Variants in PDE4B observed in about 807,000 individuals in gnomAD.
PDE4B encodes 3',5'-cyclic-AMP phosphodiesterase 4B.
A neutral mutation model predicts 82.2 loss-of-function variants in PDE4B; 20 were observed. The ratio of observed to expected loss-of-function variants is 0.24; its 90% CI spans 0.17 to 0.35. PDE4B has a LOEUF of 0.35. Ranked by LOEUF, PDE4B falls within the 10% of genes least tolerant of loss-of-function variation. The probability of loss-of-function intolerance (pLI) is 1.00; values close to 1 mark genes in which losing one functional copy is unlikely to be tolerated. For synonymous variants in PDE4B, 320 were observed against 318.9 expected, an observed-to-expected ratio of 1.00 and a Z score of -0.04; for missense variants, 655 against 907.2, an observed-to-expected ratio of 0.72 and a Z score of 3.57.
chr1:65,889,867 TG>T (rs1646834081), intron 1 of PDE4B, among the ~76,000 whole-genome samples: 1 of 152,152 alleles, frequency 6.6e-6, no homozygotes, highest in Admixed American at 6.6e-5. Flanking sequence ...ACATGACTAT[TG>T]GTATAAACAG....
chr1:66,047,576 C>A (rs1282228324), intron 3 of PDE4B, among the ~76,000 whole-genome samples: 1 of 151,818 alleles, frequency 6.6e-6, no homozygotes, highest in South Asian at 2.1e-4. Flanking sequence ...ATTTGTTATG[C>A]CCAGTAAGTG....
chr1:66,247,508 C>A lies in PDE4B; in HGVS notation c.330C>A (p.Pro110=), dbSNP rs761930779. Residue 110 remains proline, a synonymous_variant, in exon 4 of 17, where the codon CCC becomes CCA. Coordinates refer to ENST00000341517, the MANE Select transcript of PDE4B (RefSeq NM_002600.4). ...CCCCAGGTCGGAGTCCACTGGATCC[C>A]CAGGCCAGCTCTTCCGCTGGGCTGG... ...GPSPGRSPLD[P]QASSSAGLVL... 2 of 1,606,330 alleles carry A rather than the reference C, an allele frequency of 1.2e-6. No individual in the cohort carries two copies. Among genetic ancestry groups the A allele is most frequent in the African/African-American group, 1.3e-5 (1 of 74,426 alleles).
chr1:66,008,427 C>T (rs550352706), intron 3 of PDE4B, among the ~76,000 whole-genome samples: 138 of 152,166 alleles, frequency 9.1e-4, no homozygotes, highest in Non-Finnish European at 1.6e-3. Context: ...TTAAGGCCAC[C>T]CCTTACTGTG....
At chr1:65,994,452 C>A (rs952188968) in intron 3 of PDE4B, among the ~76,000 whole-genome samples, 1 of 152,050 alleles carries the variant, frequency 6.6e-6, no homozygotes, top group African/African-American at 2.4e-5. Context: ...TAATTGTAAT[C>A]TCTTATTTGC....
chr1:66,193,599 A>G (rs578109427), intron 3 of PDE4B, among the ~76,000 whole-genome samples: 1 of 152,298 alleles, frequency 6.6e-6, no homozygotes, highest in East Asian at 1.9e-4. Context: ...TGGAATTCTT[A>G]TGAAGCTTAA....
At chr1:66,277,192 C>T (rs1043783396) in intron 7 of PDE4B, among the ~76,000 whole-genome samples, 1 of 151,894 alleles carries the variant, frequency 6.6e-6, no homozygotes, top group Non-Finnish European at 1.5e-5. Flanking sequence ...GATGCCACAG[C>T]CAGAGAACTG....
At position 65,917,485 on chromosome 1, in the gene PDE4B, A is replaced by AT. The variant is rs1171017850; in HGVS notation, c.43-1111dup. Among the ~76,000 whole-genome samples, 4 of 152,196 alleles carry AT rather than the reference A, an allele frequency of 2.6e-5. No individual in the cohort carries two copies. In the East Asian group the frequency reaches 7.7e-4, roughly 29 times the overall value. On this transcript the variant is annotated intron_variant, in intron 2 of 16. Coordinates refer to ENST00000341517, the MANE Select transcript of PDE4B (RefSeq NM_002600.4). ...ATTGTAACTTTGAAACCTTAAGTTGATATCAGTGACCATTGCAGGGCTATA... is the reference window on the plus strand; with the variant it reads ...ATTGTAACTTTGAAACCTTAAGTTGATTATCAGTGACCATTGCAGGGCTATA...
chr1:66,217,343 A>G (rs1650545068), intron 3 of PDE4B, among the ~76,000 whole-genome samples: 1 of 152,138 alleles, frequency 6.6e-6, no homozygotes, highest in Non-Finnish European at 1.5e-5. Flanking sequence ...AATGACTAGC[A>G]ACAGTGGGAA....
chr1:66,139,735 C>CAAAAAAAAAAAA (rs10654385), intron 3 of PDE4B, among the ~76,000 whole-genome samples: 3 of 100,044 alleles, frequency 3.0e-5, no homozygotes, highest in African/African-American at 7.5e-5. Context: ...CCTCCCCCCT[C>CAAAAAAAAAAAA]AAAAAAAAAA....
intron 3 of PDE4B, among the ~76,000 whole-genome samples, chr1:66,230,541 C>A (rs10493400): frequency 6.6e-6 from 1 of 152,134 alleles, no homozygotes; most frequent in Non-Finnish European, 1.5e-5. Context: ...GATTCCAAGG[C>A]AAATTTGAAA....
chr1:66,253,531 C>G (rs1653951047), intron 4 of PDE4B, among the ~76,000 whole-genome samples: 1 of 152,198 alleles, frequency 6.6e-6, no homozygotes. Flanking sequence ...TGCAATGATT[C>G]TGAATATCTG....
At chr1:66,268,744 A>C (rs1028719235) in intron 7 of PDE4B, among the ~76,000 whole-genome samples, 1 of 151,682 alleles carries the variant, frequency 6.6e-6, no homozygotes, top group Non-Finnish European at 1.5e-5. Flanking sequence ...TCTTCTCACT[A>C]TCCAGCCAAG....
In PDE4B at chr1:66,156,394, T is replaced by C. The variant is rs552640620; in HGVS notation, c.282-91066T>C. On this transcript the variant is annotated intron_variant, in intron 3 of 16. Transcript: ENST00000341517. ...TGATACAATGTTTTGTGAGACATTG[T>C]TGAGAAAGGTTAGACAGTGAATGCT... Among the ~76,000 whole-genome samples, 126 of 152,304 alleles carry C rather than the reference T, an allele frequency of 8.3e-4. 1 individual carries two copies. Among genetic ancestry groups the C allele is most frequent in the African/African-American group, 3.0e-3 (124 of 41,562 alleles).
chr1:65,869,915 G>A (rs1646554755), intron 1 of PDE4B, among the ~76,000 whole-genome samples: 1 of 151,646 alleles, frequency 6.6e-6, no homozygotes, highest in Non-Finnish European at 1.5e-5. Context: ...CTCTCATAAG[G>A]CAATTATAGC....
chr1:65,922,467 A>G (rs1284351926), intron 3 of PDE4B, among the ~76,000 whole-genome samples: 1 of 152,214 alleles, frequency 6.6e-6, no homozygotes, highest in Non-Finnish European at 1.5e-5. Flanking sequence ...ATATGAAAGC[A>G]AGATGTTATC....
intron 1 of PDE4B, among the ~76,000 whole-genome samples, chr1:65,888,433 C>G (rs1646815937): frequency 6.6e-6 from 1 of 152,108 alleles, no homozygotes; most frequent in Non-Finnish European, 1.5e-5. Context: ...AGTTCAGACT[C>G]TTCTTTGTTA....
At chr1:66,332,392 G>T (rs1660183011) in intron 7 of PDE4B, 116 bp from the exon 8 acceptor site, 1 of 1,613,754 alleles carries the variant, frequency 6.2e-7, no homozygotes, top group South Asian at 1.1e-5. Context: ...TGCAAATAAT[G>T]AAGGAGCACG....
chr1:66,130,956 C>T (rs1213417874), intron 3 of PDE4B, among the ~76,000 whole-genome samples: 1 of 152,150 alleles, frequency 6.6e-6, no homozygotes, highest in Non-Finnish European at 1.5e-5. Context: ...ATTATTTCAC[C>T]CAAGCCCATG....
At chr1:65,866,802 G>A (rs72933448) in intron 1 of PDE4B, among the ~76,000 whole-genome samples, 2,886 of 152,258 alleles carry the variant, frequency 0.019, 97 homozygotes, top group African/African-American at 0.066. Context: ...AGTAAAAAAG[G>A]ATTGATTAGA....
Sources: gnomAD v4.1 joint callset for allele counts (sites outside exome capture counted in the v4.1 genomes callset) on GRCh38, gnomAD v4.1.1 for gene constraint, MANE v1.5 for transcripts, NCBI Gene and HGNC (gene_info 2026-07-23, HGNC 2026-07-21) for gene names.